Variants in EDNRA observed in about 807,000 individuals in gnomAD.
EDNRA encodes endothelin-1 receptor.
Under a neutral mutation model 41.4 loss-of-function variants are expected in EDNRA, and 11 were observed. The observed-to-expected ratio is 0.27, with a 90% CI of 0.17 to 0.44. The LOEUF (loss-of-function observed/expected upper bound fraction) is 0.44, where lower values mean the gene tolerates loss of function less well. EDNRA is among the 20% of genes least tolerant of loss of function. The probability of loss-of-function intolerance (pLI) is 1.00; values close to 1 mark genes in which losing one functional copy is unlikely to be tolerated. For missense variants in EDNRA, 294 were observed against 531.0 expected, an observed-to-expected ratio of 0.55 and a Z score of 4.39; for synonymous variants, 172 against 183.0, an observed-to-expected ratio of 0.94 and a Z score of 0.49.
intron 1 of EDNRA, 94 bp from the exon 2 acceptor site, chr4:147,485,517 AT>A (rs1728913536): frequency 6.3e-6 from 5 of 797,732 alleles, no homozygotes; most frequent in Middle Eastern, 3.5e-4. Flanking sequence ...CACCAAATAT[AT>A]CCTGCATTTT....
intron 2 of EDNRA, among the ~76,000 whole-genome samples, chr4:147,499,997 GT>G (rs1264598740): frequency 1.3e-5 from 2 of 151,686 alleles, no homozygotes; most frequent in Non-Finnish European, 2.9e-5. Flanking sequence ...TAGAGATGGG[GT>G]TTCACCGTGT....
At chr4:147,506,288 T>C (rs1729714233) in intron 2 of EDNRA, 2 of 470,088 alleles carry the variant, frequency 4.3e-6, no homozygotes, top group Non-Finnish European at 8.4e-6. Context: ...TGCAAAATAT[T>C]GGAGGCCATA....
chr4:147,497,578 CT>C (rs1212740657), intron 2 of EDNRA, among the ~76,000 whole-genome samples: 22 of 145,762 alleles, frequency 1.5e-4, no homozygotes, highest in Admixed American at 2.1e-4. Flanking sequence ...TTTTCTTGGA[CT>C]TTTTTTTTTT....
chr4:147,523,348 G>A lies in EDNRA; in HGVS notation c.548+3370G>A, dbSNP rs556824516. Among the ~76,000 whole-genome samples the A allele has an allele frequency of 3.9e-5, 6 of 152,258 alleles. No homozygotes were observed. The East Asian group carries it at 9.6e-4, about 24-fold the overall frequency. ...ATAGGTCAAAGAAATATATTTTGGA[G>A]TGAAATACTTCTATTTCTTTCAGGG... On this transcript the variant is annotated intron_variant, in intron 3 of 7. Transcript: ENST00000651419.
Position 147,519,982 on chromosome 4 carries a change from A to G in EDNRA, c.548+4A>G. 6.2e-7 allele frequency: 1 copy of G among 1,606,054 alleles called. No homozygotes were observed. Among genetic ancestry groups the G allele is most frequent in the Non-Finnish European group, 8.5e-7 (1 of 1,176,338 alleles). ...TCTGCGCTCTTAGTGTTGACAGGTA[A>G]TGTGGTTCTTTCCCTTTGCTCTTTG... is the stretch of plus-strand genomic sequence containing the variant. On this transcript the variant is annotated splice_donor_region_variant and intron_variant, in intron 3 of 7. Transcript: ENST00000651419. This position sits in a 1 kb window ranked among gnomAD's most constrained non-coding sequence, Gnocchi z 4.1.
Position 147,481,167 on chromosome 4 carries a change from CG to C in EDNRA, c.-276del. ...TTCATCCATCCCACCCGGTCGTCGC[CG>C]GGGATTGGGGTCCCAGCGAGACCTC... On this transcript the variant is annotated 5_prime_UTR_variant, in exon 1 of 8. Transcript: ENST00000651419. 1 of 152,458 alleles carries C rather than the reference CG, an allele frequency of 6.6e-6. No homozygotes were observed. The highest frequency in any genetic ancestry group is 1.5e-5 in the Non-Finnish European group (1 of 68,116). The allele number at this position is 152,458 out of a possible 1,614,324, so 9.4% of individuals were successfully genotyped here.
chr4:147,503,822 GTATGT>G (rs1729594992), intron 2 of EDNRA, among the ~76,000 whole-genome samples: 1 of 151,916 alleles, frequency 6.6e-6, no homozygotes, highest in South Asian at 2.1e-4. Context: ...TTTTCTTCAT[GTATGT>G]TATATTGATG....
At position 147,542,718 on chromosome 4, in the gene EDNRA, C is replaced by T; in HGVS notation, c.*100C>T. On this transcript the variant is annotated 3_prime_UTR_variant, in exon 8 of 8. Coordinates refer to ENST00000651419, the MANE Select transcript of EDNRA (RefSeq NM_001957.4). Reference sequence around the variant, plus strand: ...GGAATCTCTTCTCTGATCCTTCTTCCTTAATTCACTCCCACACCCAAGAAG... The same window carrying T: ...GGAATCTCTTCTCTGATCCTTCTTCTTTAATTCACTCCCACACCCAAGAAG... The T allele has an allele frequency of 6.9e-7, 1 of 1,454,620 alleles. No homozygotes were observed. The highest frequency in any genetic ancestry group is 1.4e-5 in the South Asian group (1 of 73,032). The allele number at this position is 1,454,620 out of a possible 1,614,324, so 90.1% of individuals were successfully genotyped here. A position where few individuals can be genotyped will look rare whatever the true frequency, so the allele number is the denominator to read the frequency against.
chr4:147,487,627 A>T (rs1273295664), intron 2 of EDNRA, among the ~76,000 whole-genome samples: 3 of 152,360 alleles, frequency 2.0e-5, no homozygotes, highest in Admixed American at 2.0e-4. Context: ...AGCTGTGGTT[A>T]AATTATATTA....
At chr4:147,532,025 A>T (rs1730759919) in intron 3 of EDNRA, among the ~76,000 whole-genome samples, 1 of 148,282 alleles carries the variant, frequency 6.7e-6, no homozygotes, top group Admixed American at 6.7e-5. Flanking sequence ...CTCAAAAAAA[A>T]AAAAAGGCCA....
intron 1 of EDNRA, among the ~76,000 whole-genome samples, chr4:147,483,562 T>C (rs1012279793): frequency 2.8e-4 from 43 of 152,204 alleles, no homozygotes; most frequent in African/African-American, 9.9e-4. Context: ...CCCTATACTT[T>C]CTATGCAACT....
chr4:147,486,155 C>T lies in EDNRA; in HGVS notation c.420+54C>T, dbSNP rs1334954317. The T allele has an allele frequency of 2.6e-6, 4 of 1,535,142 alleles. No individual in the cohort carries two copies. The highest frequency in any genetic ancestry group is 1.3e-5 in the South Asian group (1 of 77,492). On this transcript the variant is annotated intron_variant, in intron 2 of 7. Transcript: ENST00000651419. This position sits in a 1 kb window ranked among gnomAD's most constrained non-coding sequence, Gnocchi z 4.3. Reference sequence around the variant, plus strand: ...AATTTAAACCCATGCTCTGATTCCACGTGGAGAGTTGCTGCAGACTTTTCT... The same window carrying T: ...AATTTAAACCCATGCTCTGATTCCATGTGGAGAGTTGCTGCAGACTTTTCT...
intron 2 of EDNRA, among the ~76,000 whole-genome samples, chr4:147,510,645 AATTTACTATAC>A (rs1729887828): frequency 6.6e-6 from 1 of 152,206 alleles, no homozygotes; most frequent in Admixed American, 6.5e-5. Flanking sequence ...TCACTGGGCA[AATTTACTATAC>A]ATTTTAGCTT....
chr4:147,497,041 CTTAT>C (rs1233141096), intron 2 of EDNRA, among the ~76,000 whole-genome samples: 3 of 149,060 alleles, frequency 2.0e-5, no homozygotes, highest in Non-Finnish European at 3.0e-5. Context: ...ATATATACTT[CTTAT>C]TTAATTTTTC....
chr4:147,522,094 G>C (rs1336897803), intron 3 of EDNRA, among the ~76,000 whole-genome samples: 1 of 152,058 alleles, frequency 6.6e-6, no homozygotes, highest in Admixed American at 6.6e-5. Flanking sequence ...TATAATCGGG[G>C]GAGGAAAGAT....
rs1285585450 is a variant in EDNRA, at chr4:147,519,211, A to T, written c.421-640A>T. On this transcript the variant is annotated intron_variant, in intron 2 of 7. Coordinates refer to ENST00000651419, the MANE Select transcript of EDNRA (RefSeq NM_001957.4). The surrounding 1 kb of genome is among the most constrained non-coding windows in gnomAD (Gnocchi z 4.1). ...AGCAGAGTCAGCCCCTTAAGCACAG[A>T]GGAAAATGTAAGTTCAAAGTGGCTT... Among the ~76,000 whole-genome samples the T allele has an allele frequency of 6.6e-6, 1 of 152,234 alleles. No homozygotes were observed. Among genetic ancestry groups the T allele is most frequent in the Non-Finnish European group, 1.5e-5 (1 of 68,040 alleles).
intron 3 of EDNRA, chr4:147,520,456 A>G (rs753984564): frequency 3.9e-6 from 2 of 518,938 alleles, no homozygotes; most frequent in East Asian, 1.1e-4. Flanking sequence ...AAAAGAGTGC[A>G]ACACCAGAAG....
chr4:147,532,078 C>T (rs1730762072), intron 3 of EDNRA, among the ~76,000 whole-genome samples: 1 of 147,570 alleles, frequency 6.8e-6, no homozygotes, highest in Non-Finnish European at 1.5e-5. Flanking sequence ...TTTGGGAGGC[C>T]GAGGCAGACG....
chr4:147,507,728 C>G (rs1729771225), intron 2 of EDNRA, among the ~76,000 whole-genome samples: 1 of 152,144 alleles, frequency 6.6e-6, no homozygotes, highest in Non-Finnish European at 1.5e-5. Context: ...TAGATTATAT[C>G]AACATCAAAA....
Sources: gnomAD v4.1 joint callset for allele counts (sites outside exome capture counted in the v4.1 genomes callset) on GRCh38, gnomAD v4.1.1 for gene constraint, Gnocchi (gnomAD v3.1) non-coding constraint, MANE v1.5 for transcripts, NCBI Gene and HGNC (gene_info 2026-07-23, HGNC 2026-07-21) for gene names.